Variants in ANKRD6 observed in about 807,000 individuals in gnomAD.
The protein encoded by ANKRD6 is ankyrin repeat domain 6, also known as ankyrin repeat domain-containing protein 6.
ANKRD6 carries 56 observed loss-of-function variants against 82.3 expected under a neutral mutation model. That is an observed-to-expected ratio of 0.68 (90% CI 0.55 to 0.85). The LOEUF (loss-of-function observed/expected upper bound fraction) is 0.85. ANKRD6 is among the 40% of genes least tolerant of loss of function. ANKRD6 has a pLI of 0.00. For synonymous variants in ANKRD6, 347 were observed against 352.1 expected, an observed-to-expected ratio of 0.99 and a Z score of 0.16; for missense variants, 852 against 907.6, an observed-to-expected ratio of 0.94 and a Z score of 0.79.
intron 1 of ANKRD6, among the ~76,000 whole-genome samples, chr6:89,539,457 C>G (rs1026414405): frequency 8.6e-5 from 13 of 151,972 alleles, no homozygotes; most frequent in African/African-American, 2.9e-4. Context: ...TAATGATATA[C>G]ATGGTGTTTA....
chr6:89,566,727 C>G (rs1001934345), intron 1 of ANKRD6, 107 bp from the exon 2 acceptor site: 5 of 428,286 alleles, frequency 1.2e-5, no homozygotes, highest in Non-Finnish European at 1.3e-5. Flanking sequence ...AGCTACCCTC[C>G]CCTGCAACAT....
intron 1 of ANKRD6, among the ~76,000 whole-genome samples, chr6:89,499,524 T>C (rs1779028732): frequency 6.6e-6 from 1 of 152,160 alleles, no homozygotes; most frequent in South Asian, 2.1e-4. Flanking sequence ...TTATCTAGTT[T>C]AACGTTTCTC....
At chr6:89,545,466 A>C (rs1180975399) in intron 1 of ANKRD6, among the ~76,000 whole-genome samples, 2 of 152,294 alleles carry the variant, frequency 1.3e-5, no homozygotes, top group East Asian at 3.9e-4. Flanking sequence ...TGGTCATAGC[A>C]GCAGTAGCTG....
chr6:89,624,506 A>G (rs2128262918), intron 12 of ANKRD6, 33 bp from the exon 13 acceptor site: 13 of 1,550,286 alleles, frequency 8.4e-6, no homozygotes, highest in Non-Finnish European at 1.1e-5. Context: ...AGGAATGAAC[A>G]AGGGATTGAT....
At position 89,616,726 on chromosome 6, in the gene ANKRD6, A is replaced by G. The variant is rs550119814; in HGVS notation, c.714+69A>G. ...CTTTCCAGAATGGGATGTGTACTAA[A>G]CCCCTGCAGACCCCCAGGCCCAGCG... is the stretch of plus-strand genomic sequence containing the variant. On this transcript the variant is annotated intron_variant, in intron 8 of 15. Coordinates refer to ENST00000339746, the MANE Select transcript of ANKRD6 (RefSeq NM_001242809.2). 7.1e-6 allele frequency: 10 copies of G among 1,404,650 alleles called. No individual in the cohort carries two copies. The African/African-American group carries it at 8.6e-5, about 12-fold the overall frequency. The allele number at this position is 1,404,650 out of a possible 1,614,324, so 87.0% of individuals were successfully genotyped here.
chr6:89,460,090 C>T (rs1189365638), intron 1 of ANKRD6, among the ~76,000 whole-genome samples: 4 of 150,352 alleles, frequency 2.7e-5, no homozygotes, highest in Admixed American at 1.3e-4. Flanking sequence ...TGGGGCTCTT[C>T]CTCATGTTTC....
intron 2 of ANKRD6, among the ~76,000 whole-genome samples, chr6:89,569,436 T>C (rs1006504887): frequency 6.6e-6 from 1 of 152,226 alleles, no homozygotes; most frequent in Non-Finnish European, 1.5e-5. Flanking sequence ...CTTCATTCCT[T>C]TTCATGACTG....
intron 1 of ANKRD6, among the ~76,000 whole-genome samples, chr6:89,540,136 T>A (rs925233883): frequency 6.6e-6 from 1 of 152,206 alleles, no homozygotes; most frequent in Non-Finnish European, 1.5e-5. Flanking sequence ...TCCTTTCTTT[T>A]GGGAATGTAC....
chr6:89,623,487 G>C lies in ANKRD6; in HGVS notation c.975G>C (p.Leu325=), dbSNP rs867230726. 2 of 1,600,848 alleles carry C rather than the reference G, an allele frequency of 1.2e-6. No homozygotes were observed. The highest frequency in any genetic ancestry group is 3.3e-4 in the Middle Eastern group (2 of 6,044). The part of the protein sequence containing the change: ...ARKEEAREEF[L]SASPEPRAKD... The stretch of plus-strand genomic sequence containing the variant: ...AAGAAGAAGCCAGAGAAGAGTTCCT[G>C]TCAGCCTCCCCAGAACCCAGAGCAA... Residue 325 remains leucine, a synonymous_variant, in exon 11 of 16, where the codon CTG becomes CTC. Coordinates refer to ENST00000339746, the MANE Select transcript of ANKRD6 (RefSeq NM_001242809.2).
In ANKRD6 at chr6:89,491,901, G is replaced by A. The variant is rs377033000; in HGVS notation, c.-144+58526G>A. Among the ~76,000 whole-genome samples the A allele has an allele frequency of 9.2e-5, 14 of 152,186 alleles. No homozygotes were observed. The South Asian group carries it at 1.9e-3, about 20-fold the overall frequency. Reference sequence around the variant, plus strand: ...AGAGAAGAATCTGCACAAACAGGTCGTGCTGTGTTTCCTCCAGTCTATTAC... The same window carrying A: ...AGAGAAGAATCTGCACAAACAGGTCATGCTGTGTTTCCTCCAGTCTATTAC... On this transcript the variant is annotated intron_variant, in intron 1 of 15. Transcript: ENST00000339746.
intron 1 of ANKRD6, among the ~76,000 whole-genome samples, chr6:89,554,417 A>G (rs1786284199): frequency 6.7e-6 from 1 of 149,332 alleles, no homozygotes; most frequent in South Asian, 2.1e-4. Context: ...CAGATAATCC[A>G]GGACATCAAC....
chr6:89,507,049 T>A (rs1368767007), intron 1 of ANKRD6, among the ~76,000 whole-genome samples: 3 of 152,264 alleles, frequency 2.0e-5, no homozygotes, highest in Non-Finnish European at 4.4e-5. Flanking sequence ...TTATCTCTAG[T>A]ACAATACTGT....
intron 1 of ANKRD6, chr6:89,561,353 G>C (rs1264843630): frequency 1.3e-5 from 2 of 152,152 alleles, no homozygotes; most frequent in Admixed American, 1.3e-4. Context: ...TTTATAATGA[G>C]TCATGGGCTT....
At chr6:89,506,211 C>T (rs1289610989) in intron 1 of ANKRD6, among the ~76,000 whole-genome samples, 2 of 152,174 alleles carry the variant, frequency 1.3e-5, no homozygotes, top group Non-Finnish European at 2.9e-5. Flanking sequence ...ATTCTCACCA[C>T]ATACAAAAGT....
intron 1 of ANKRD6, among the ~76,000 whole-genome samples, chr6:89,496,438 C>T (rs1013964892): frequency 1.1e-4 from 17 of 152,120 alleles, no homozygotes; most frequent in African/African-American, 3.1e-4. Flanking sequence ...CCGGTAGTAC[C>T]GTCGGGACCA....
At chr6:89,542,615 T>C (rs1472056700) in intron 1 of ANKRD6, among the ~76,000 whole-genome samples, 1 of 152,200 alleles carries the variant, frequency 6.6e-6, no homozygotes, top group Non-Finnish European at 1.5e-5. Context: ...TCTCTTGTCA[T>C]ATAGAAACAG....
intron 1 of ANKRD6, among the ~76,000 whole-genome samples, chr6:89,510,624 A>T (rs1027785219): frequency 2.6e-5 from 4 of 152,124 alleles, no homozygotes; most frequent in Non-Finnish European, 5.9e-5. Context: ...CAATCATCTC[A>T]ATTAATTTTA....
At chr6:89,574,839 T>C (rs1022251617) in intron 2 of ANKRD6, among the ~76,000 whole-genome samples, 8 of 152,182 alleles carry the variant, frequency 5.3e-5, no homozygotes, top group Non-Finnish European at 8.8e-5. Flanking sequence ...CCCTTGGCCC[T>C]TGAAGGCTCA....
At chr6:89,530,751 C>T (rs376922646) in intron 1 of ANKRD6, among the ~76,000 whole-genome samples, 19 of 152,130 alleles carry the variant, frequency 1.2e-4, no homozygotes, top group South Asian at 4.2e-4. Context: ...GAAAATGTTC[C>T]GGGAGAAATG....
Sources: gnomAD v4.1 joint callset for allele counts (sites outside exome capture counted in the v4.1 genomes callset) on GRCh38, gnomAD v4.1.1 for gene constraint, MANE v1.5 for transcripts, NCBI Gene and HGNC (gene_info 2026-07-23, HGNC 2026-07-21) for gene names.